TENM3: variants seen among roughly 807,000 people sequenced by gnomAD.
TENM3 encodes teneurin transmembrane protein 3.
TENM3 carries 63 observed loss-of-function variants against 255.1 expected under a neutral mutation model. The observed-to-expected ratio is 0.25, with a 90% CI of 0.20 to 0.30. TENM3 has a LOEUF of 0.30. Among genes scored for constraint, TENM3 ranks in the 10% least tolerant of loss-of-function variants. The probability of loss-of-function intolerance (pLI) is 1.00; values close to 1 mark genes in which losing one functional copy is unlikely to be tolerated. For missense variants in TENM3, 2,929 were observed against 3,461.1 expected (o/e 0.85, Z 3.86); for synonymous variants, 1,306 against 1,322.3 (o/e 0.99, Z 0.27).
chr4:182,224,475 G>T (rs183528634), intron 1 of TENM3, among the ~76,000 whole-genome samples: 5 of 152,084 alleles, frequency 3.3e-5, no homozygotes, highest in Admixed American at 2.6e-4. Context: ...TTTCAAAGGC[G>T]AAAACTGTGT....
intron 18 of TENM3, among the ~76,000 whole-genome samples, chr4:182,740,871 G>T (rs58018146): frequency 0.055 from 8,307 of 152,188 alleles, 237 homozygotes; most frequent in African/African-American, 0.07. Context: ...AAAAAAAAAT[G>T]TTCTAAATTA....
chr4:181,956,067 T>C, the TENM3 span, among the ~76,000 whole-genome samples: 1 of 152,168 alleles, frequency 6.6e-6, no homozygotes, highest in Non-Finnish European at 1.5e-5. Context: ...AGGCAGATTT[T>C]GTGTCTGGTG....
At chr4:181,466,882 A>G in the TENM3 span, among the ~76,000 whole-genome samples, 1 of 151,610 alleles carries the variant, frequency 6.6e-6, no homozygotes, top group Non-Finnish European at 1.5e-5. Flanking sequence ...CAGTACTTCT[A>G]TTTTATCTAA....
the TENM3 span, among the ~76,000 whole-genome samples, chr4:182,116,652 T>C: frequency 6.6e-6 from 1 of 152,222 alleles, no homozygotes; most frequent in Non-Finnish European, 1.5e-5. Context: ...CCTCTTTCCT[T>C]TGTAAATTAC....
At chr4:182,076,620 A>C in the TENM3 span, among the ~76,000 whole-genome samples, 4 of 152,146 alleles carry the variant, frequency 2.6e-5, no homozygotes, top group Non-Finnish European at 2.9e-5. Flanking sequence ...TCTTCTATGA[A>C]GCTTCTGACA....
intron 1 of TENM3, among the ~76,000 whole-genome samples, chr4:182,227,384 G>A (rs1579804682): frequency 6.6e-6 from 1 of 152,216 alleles, no homozygotes; most frequent in South Asian, 2.1e-4. Flanking sequence ...GGTATTCAAG[G>A]CCTCAAGCCT....
Position 182,699,607 on chromosome 4 carries a change from T to C in TENM3, c.2221+11256T>C, listed in dbSNP as rs1436294922. Among the ~76,000 whole-genome samples, 3 of 152,354 alleles carry C rather than the reference T, an allele frequency of 2.0e-5. No individual in the cohort carries two copies. The East Asian group carries it at 5.8e-4, about 29-fold the overall frequency. On this transcript the variant is annotated intron_variant, in intron 12 of 27. Transcript: ENST00000511685. ...AAATATGAATATAGCCATGTATTCA[T>C]GCCTGTGGTTTCCATTTTTCTTTCT...
chr4:182,756,237 C>G (rs1762737644), intron 22 of TENM3, among the ~76,000 whole-genome samples: 1 of 152,200 alleles, frequency 6.6e-6, no homozygotes, highest in Non-Finnish European at 1.5e-5. Flanking sequence ...AAGAACCTTA[C>G]AACTAAATGC....
the TENM3 span, among the ~76,000 whole-genome samples, chr4:181,846,533 T>C: frequency 0.011 from 1,715 of 152,310 alleles, 13 homozygotes; most frequent in Non-Finnish European, 0.019. Flanking sequence ...TTGAAGATTA[T>C]TAAGAGAAAA....
At chr4:181,461,932 G>A in the TENM3 span, among the ~76,000 whole-genome samples, 12,320 of 149,384 alleles carry the variant, frequency 0.082, 657 homozygotes, top group Middle Eastern at 0.2. Context: ...TGAATTGAAT[G>A]CCAGACATTA....
At chr4:182,479,724 T>C (rs1734014030) in intron 3 of TENM3, among the ~76,000 whole-genome samples, 1 of 152,032 alleles carries the variant, frequency 6.6e-6, no homozygotes, top group Admixed American at 6.6e-5. Flanking sequence ...AATTGTTTTT[T>C]GTCATTTTCC....
intron 1 of TENM3, among the ~76,000 whole-genome samples, chr4:182,198,591 G>T (rs2149815933): frequency 6.6e-6 from 1 of 152,312 alleles, no homozygotes; most frequent in East Asian, 1.9e-4. Flanking sequence ...ATTACAAATG[G>T]CCCTGGGATG....
chr4:181,502,471 T>C, the TENM3 span, among the ~76,000 whole-genome samples: 2 of 152,134 alleles, frequency 1.3e-5, no homozygotes, highest in African/African-American at 2.4e-5. Context: ...AAAATCAGGC[T>C]TAGGGAAACA....
chr4:182,726,603 A>T (rs1760203640), intron 13 of TENM3, among the ~76,000 whole-genome samples: 1 of 152,324 alleles, frequency 6.6e-6, no homozygotes, highest in Non-Finnish European at 1.5e-5. Flanking sequence ...TGAACCAAAC[A>T]GGAAGGGAAG....
At chr4:182,755,392 C>A (rs559798878) in intron 22 of TENM3, 133 bp downstream of exon 22, 2 of 903,830 alleles carry the variant, frequency 2.2e-6, no homozygotes, top group Non-Finnish European at 1.6e-6. Context: ...ATTTTTGGAT[C>A]CCGGCTGGGC....
chr4:181,703,683 G>A, the TENM3 span, among the ~76,000 whole-genome samples: 1 of 152,162 alleles, frequency 6.6e-6, no homozygotes, highest in Non-Finnish European at 1.5e-5. Context: ...CACATTTCCT[G>A]TGTTGAGCAG....
chr4:182,784,900 G>T (rs377672620), intron 24 of TENM3, among the ~76,000 whole-genome samples: 18,946 of 151,930 alleles, frequency 0.12, 1,526 homozygotes, highest in East Asian at 0.25. Flanking sequence ...GCAATGCCTC[G>T]CCCTGCTTCG....
the TENM3 span, among the ~76,000 whole-genome samples, chr4:181,570,286 C>A: frequency 2.6e-5 from 4 of 151,962 alleles, no homozygotes; most frequent in Non-Finnish European, 5.9e-5. Context: ...ACCTCATGAT[C>A]CACCCGCCTC....
At chr4:182,034,180 G>A in the TENM3 span, among the ~76,000 whole-genome samples, 1 of 152,160 alleles carries the variant, frequency 6.6e-6, no homozygotes, top group African/African-American at 2.4e-5. Context: ...AGAACAGCAT[G>A]GGGGAGGCCA....
Sources: allele counts gnomAD v4.1 joint callset (sites outside exome capture counted in the v4.1 genomes callset), GRCh38; gene constraint gnomAD v4.1.1; transcripts MANE v1.5; gene names NCBI Gene and HGNC (gene_info 2026-07-23, HGNC 2026-07-21).